The following ZNF12 variants were observed in gnomAD, a reference collection of about 807,000 sequenced individuals.
The protein encoded by ZNF12 is gonadotropin inducible transcription repressor 3.
A neutral mutation model predicts 66.6 loss-of-function variants in ZNF12; 34 were observed. The ratio of observed to expected loss-of-function variants is 0.51; its 90% CI spans 0.39 to 0.68. The LOEUF is 0.68. Ranked by LOEUF, ZNF12 falls within the 30% of genes least tolerant of loss-of-function variation. The pLI is 0.00. For synonymous variants in ZNF12, 320 were observed against 278.9 expected (o/e 1.15, Z -1.47); for missense variants, 697 against 826.9 (o/e 0.84, Z 1.93).
At position 6,691,271 on chromosome 7, in the gene ZNF12, G is replaced by T. The variant is rs201194204; in HGVS notation, c.1671C>A (p.Phe557Leu). The part of the protein sequence containing the change: ...KPYECYICGK[F>L]FSQMSYLTIH... Reference sequence around the variant, plus strand: ...TAGTGAGGTATGACATCTGAGAGAAGAATTTTCCACATATATAGCATTCAT... The same window carrying T: ...TAGTGAGGTATGACATCTGAGAGAATAATTTTCCACATATATAGCATTCAT... The change falls in exon 5 of 5, where the codon TTC becomes TTA. Residue 557 changes from phenylalanine (F) to leucine (L), a missense_variant. Around this residue, in one of 3 missense-constraint regions of ZNF12, gnomAD observed 401 missense variants for 519.0 expected, o/e 0.77. Transcript: ENST00000405858. 5.6e-6 allele frequency: 9 copies of T among 1,613,922 alleles called. No homozygotes were observed. The highest frequency in any genetic ancestry group is 7.6e-6 in the Non-Finnish European group (9 of 1,179,948).
rs928611618 is a variant in ZNF12, at chr7:6,705,917, C to G, written c.-51+515G>C. Among the ~76,000 whole-genome samples, 1 of 152,110 alleles carries G rather than the reference C, an allele frequency of 6.6e-6. No homozygotes were observed. The highest frequency in any genetic ancestry group is 2.4e-5 in the African/African-American group (1 of 41,430). The stretch of plus-strand genomic sequence containing the variant: ...AAAGGATCTTTTATTGAAGAACTTA[C>G]GCTCACTTAACTAGGATACGGGGGA... On this transcript the variant is annotated intron_variant, in intron 1 of 4. Transcript: ENST00000405858. This position sits in a 1 kb window ranked among gnomAD's most constrained non-coding sequence, Gnocchi z 4.0.
Position 6,691,750 on chromosome 7 carries a change from C to T in ZNF12, c.1192G>A (p.Asp398Asn). The T allele has an allele frequency of 6.2e-7, 1 of 1,613,798 alleles. No individual in the cohort carries two copies. Among genetic ancestry groups the T allele is most frequent in the Non-Finnish European group, 8.5e-7 (1 of 1,179,834 alleles). ...ACACCTGTGTGAATTTTCTGATGGT[C>T]ATTAAGTGCTGACTTCTGCGAGAAG... is the stretch of plus-strand genomic sequence containing the variant. ...KTFSQKSALNDHQKIHTGVKL... is the reference protein window; with the variant it reads ...KTFSQKSALNNHQKIHTGVKL... Residue 398 changes from aspartate (D) to asparagine (N), a missense_variant, in exon 5 of 5, where the codon GAC (aspartate) becomes AAC (asparagine). Around this residue, in one of 3 missense-constraint regions of ZNF12, gnomAD observed 401 missense variants for 519.0 expected, o/e 0.77. Coordinates refer to ENST00000405858, the MANE Select transcript of ZNF12 (RefSeq NM_016265.4).
At position 6,699,458 on chromosome 7, in the gene ZNF12, C is replaced by T. The variant is rs553550678; in HGVS notation, c.16-1647G>A. 5.9e-5 allele frequency among the ~76,000 whole-genome samples: 9 copies of T among 152,284 alleles called. No homozygotes were observed. The South Asian group carries it at 6.2e-4, about 11-fold the overall frequency. On this transcript the variant is annotated intron_variant, in intron 2 of 4. Transcript: ENST00000405858. The stretch of plus-strand genomic sequence containing the variant: ...AGTGTCCAGCTGCTGATGGGACACA[C>T]GGTGGGGAAAGAAGTGGGTCCCACC...
At position 6,690,520 on chromosome 7, in the gene ZNF12, T is replaced by G. The variant is rs953709909; in HGVS notation, c.*328A>C. The G allele has an allele frequency of 5.0e-6, 1 of 200,214 alleles. No homozygotes were observed. Among genetic ancestry groups the G allele is most frequent in the Non-Finnish European group, 1.0e-5 (1 of 99,350 alleles). 12.4% of individuals were successfully genotyped at this position (200,214 alleles called of 1,614,324 possible). On this transcript the variant is annotated 3_prime_UTR_variant, in exon 5 of 5. Coordinates refer to ENST00000405858, the MANE Select transcript of ZNF12 (RefSeq NM_016265.4). ...TTAGTATTAACAGTTTCCAAAGGATTATGTCTTCCACATTCCTTATACTGA... is the reference window on the plus strand; with the variant it reads ...TTAGTATTAACAGTTTCCAAAGGATGATGTCTTCCACATTCCTTATACTGA...
At chr7:6,702,123 G>A (rs767927426) in intron 2 of ZNF12, among the ~76,000 whole-genome samples, 4 of 152,002 alleles carry the variant, frequency 2.6e-5, no homozygotes, top group Non-Finnish European at 5.9e-5. Flanking sequence ...TCCTTGGGCT[G>A]GACTCTTAAC....
intron 2 of ZNF12, among the ~76,000 whole-genome samples, chr7:6,704,740 CAAAAAAAA>C (rs949897713): frequency 1.4e-3 from 44 of 32,242 alleles, no homozygotes; most frequent in South Asian, 2.1e-3. Flanking sequence ...TACTTGGTCT[CAAAAAAAA>C]AAAAAAAAAA....
At position 6,699,953 on chromosome 7, in the gene ZNF12, A is replaced by T. The variant is rs1047629658; in HGVS notation, c.16-2142T>A. Among the ~76,000 whole-genome samples, 9 of 152,180 alleles carry T rather than the reference A, an allele frequency of 5.9e-5. No homozygotes were observed. In the South Asian group the frequency reaches 1.2e-3, roughly 21 times the overall value. ...CTATTTTATTTTCGATTTTTTTTTAAATCTCTATTTTAAACCAGAATCCCT... is the reference window on the plus strand; with the variant it reads ...CTATTTTATTTTCGATTTTTTTTTATATCTCTATTTTAAACCAGAATCCCT... On this transcript the variant is annotated intron_variant, in intron 2 of 4. Transcript: ENST00000405858.
rs566053770 is a variant in ZNF12 at position 6,698,061 on chromosome 7, T to C, written c.16-250A>G. Reference sequence around the variant, plus strand: ...GTGAGCCAGAAACAATCCTGGCTGTTGGGAACTCTTAACACCAGCAGGGAC... The same window carrying C: ...GTGAGCCAGAAACAATCCTGGCTGTCGGGAACTCTTAACACCAGCAGGGAC... On this transcript the variant is annotated intron_variant, in intron 2 of 4. Coordinates refer to ENST00000405858, the MANE Select transcript of ZNF12 (RefSeq NM_016265.4). This position sits in a 1 kb window ranked among gnomAD's most constrained non-coding sequence, Gnocchi z 4.4. 1.4e-6 allele frequency: 1 copy of C among 692,200 alleles called. No homozygotes were observed. Among genetic ancestry groups the C allele is most frequent in the Non-Finnish European group, 2.7e-6 (1 of 373,180 alleles). The allele number at this position is 692,200 out of a possible 1,614,324, so 42.9% of individuals were successfully genotyped here.
chr7:6,700,240 G>A (rs979775732), intron 2 of ZNF12, among the ~76,000 whole-genome samples: 6 of 150,022 alleles, frequency 4.0e-5, no homozygotes, highest in African/African-American at 4.9e-5. Context: ...AGCCGAGATC[G>A]AGCCACTGTA....
At chr7:6,701,888 T>C (rs1271459027) in intron 2 of ZNF12, among the ~76,000 whole-genome samples, 1 of 151,762 alleles carries the variant, frequency 6.6e-6, no homozygotes, top group East Asian at 1.9e-4. Flanking sequence ...AAATCCTTTC[T>C]TAACCTCAAC....
chr7:6,706,270 C>A (rs1780355336), intron 1 of ZNF12, among the ~76,000 whole-genome samples, 162 bp downstream of exon 1: 1 of 152,184 alleles, frequency 6.6e-6, no homozygotes. Context: ...ACCCCCCACG[C>A]CCCCGTAAGC....
intron 2 of ZNF12, among the ~76,000 whole-genome samples, chr7:6,699,901 T>C (rs1780207614): frequency 1.3e-5 from 2 of 152,168 alleles, no homozygotes; most frequent in Admixed American, 1.3e-4. Context: ...TATCTATGAC[T>C]ACAATAAGTG....
chr7:6,703,881 C>T (rs1294696474), intron 2 of ZNF12, among the ~76,000 whole-genome samples: 1 of 152,220 alleles, frequency 6.6e-6, no homozygotes, highest in Non-Finnish European at 1.5e-5. Flanking sequence ...CCACTAAGAG[C>T]ATGTGCTGGA....
chr7:6,698,094 AC>A lies in ZNF12; in HGVS notation c.16-284del, dbSNP rs148114447. 7.4e-3 allele frequency: 4,510 copies of A among 609,600 alleles called. 113 individuals carry two copies. Among genetic ancestry groups the A allele is most frequent in the East Asian group, 0.068 (1,896 of 27,808 alleles). 37.8% of individuals were successfully genotyped at this position (609,600 alleles called of 1,614,324 possible). A position where few individuals can be genotyped will look rare whatever the true frequency, so the allele number is the denominator to read the frequency against. On this transcript the variant is annotated intron_variant, in intron 2 of 4. Coordinates refer to ENST00000405858, the MANE Select transcript of ZNF12 (RefSeq NM_016265.4). The surrounding 1 kb of genome is among the most constrained non-coding windows in gnomAD (Gnocchi z 4.4). The stretch of plus-strand genomic sequence containing the variant: ...CTTAACACCAGCAGGGACGAATCTC[AC>A]CCCTGAGGAGCACAGGCCTGGGGAC...
At chr7:6,695,740 ACTT>A (rs1195178118) in intron 4 of ZNF12, among the ~76,000 whole-genome samples, 1 of 152,270 alleles carries the variant, frequency 6.6e-6, no homozygotes, top group Non-Finnish European at 1.5e-5. Flanking sequence ...AATCAGAGTC[ACTT>A]CTTTATCCTA....
At chr7:6,693,960 G>C (rs1016868770) in intron 4 of ZNF12, among the ~76,000 whole-genome samples, 55 of 152,234 alleles carry the variant, frequency 3.6e-4, no homozygotes, top group Non-Finnish European at 6.2e-4. Context: ...TTGAGGTCAG[G>C]AGTTCGAGAC....
intron 4 of ZNF12, among the ~76,000 whole-genome samples, chr7:6,695,393 C>CT (rs966082954): frequency 4.6e-5 from 7 of 151,826 alleles, no homozygotes; most frequent in African/African-American, 7.3e-5. Context: ...TTTCTTTTTT[C>CT]TTTTTTTTGT....
intron 2 of ZNF12, among the ~76,000 whole-genome samples, chr7:6,702,487 C>CACAT (rs1491382520): frequency 8.6e-5 from 3 of 34,930 alleles, no homozygotes; most frequent in African/African-American, 5.8e-4. Flanking sequence ...TCCCAAACTC[C>CACAT]ACACACACAC....
At chr7:6,695,279 T>A (rs1780137653) in intron 4 of ZNF12, among the ~76,000 whole-genome samples, 1 of 152,264 alleles carries the variant, frequency 6.6e-6, no homozygotes, top group Admixed American at 6.5e-5. Flanking sequence ...CTATTTCCTT[T>A]GAACCTCTGA....
Sources: allele counts gnomAD v4.1 joint callset (sites outside exome capture counted in the v4.1 genomes callset), GRCh38; gene constraint gnomAD v4.1.1; regional missense constraint gnomAD v4.1.1; non-coding constraint Gnocchi (gnomAD v3.1); transcripts MANE v1.5; gene names NCBI Gene and HGNC (gene_info 2026-07-23, HGNC 2026-07-21).